The following TRAPPC9 variants were observed in gnomAD, a reference collection of about 807,000 sequenced individuals.
TRAPPC9 encodes the protein IKK2 binding protein.
TRAPPC9 carries 83 observed loss-of-function variants against 124.0 expected under a neutral mutation model. The observed-to-expected ratio is 0.67, with a 90% CI of 0.56 to 0.80. The LOEUF is 0.80. Among genes scored for constraint, TRAPPC9 ranks in the 30% least tolerant of loss-of-function variants. The probability of loss-of-function intolerance (pLI) is 0.00; values close to 1 mark genes in which losing one functional copy is unlikely to be tolerated. For missense variants in TRAPPC9, 1,302 were observed against 1,508.3 expected (o/e 0.86, Z 2.27); for synonymous variants, 638 against 617.5 (o/e 1.03, Z -0.49).
intron 18 of TRAPPC9, among the ~76,000 whole-genome samples, chr8:140,018,616 C>A (rs1173480805): frequency 6.6e-6 from 1 of 152,120 alleles, no homozygotes; most frequent in Non-Finnish European, 1.5e-5. Context: ...CGTGAGCCAC[C>A]GTGCCTGGCC....
intron 19 of TRAPPC9, among the ~76,000 whole-genome samples, chr8:139,959,915 A>G (rs1164447614): frequency 1.3e-5 from 2 of 152,180 alleles, no homozygotes; most frequent in Admixed American, 6.5e-5. Flanking sequence ...CAAAGCCTTA[A>G]GTTAGGTCAC....
chr8:140,136,385 C>T (rs530115048), intron 17 of TRAPPC9, among the ~76,000 whole-genome samples: 3 of 152,294 alleles, frequency 2.0e-5, no homozygotes, highest in South Asian at 4.1e-4. Context: ...ACAAACTCCC[C>T]GCTCAGAGCC....
chr8:140,399,902 G>A (rs1222869004), intron 6 of TRAPPC9, among the ~76,000 whole-genome samples: 1 of 152,210 alleles, frequency 6.6e-6, no homozygotes, highest in Admixed American at 6.5e-5. Context: ...ATTCCCACAT[G>A]TTGTGGGAGG....
At chr8:139,918,454 C>A (rs568504380) in intron 19 of TRAPPC9, among the ~76,000 whole-genome samples, 121 of 152,360 alleles carry the variant, frequency 7.9e-4, no homozygotes, top group South Asian at 3.5e-3. Context: ...CCTCAGGTCA[C>A]AGAGAGGTGC....
intron 17 of TRAPPC9, among the ~76,000 whole-genome samples, chr8:140,208,311 T>C (rs1180712251): frequency 2.0e-5 from 3 of 152,232 alleles, no homozygotes; most frequent in East Asian, 3.8e-4. Flanking sequence ...GTAAGGATGC[T>C]TGTGGTCCAG....
chr8:140,156,013 G>A (rs2061622824), intron 17 of TRAPPC9, among the ~76,000 whole-genome samples: 1 of 152,136 alleles, frequency 6.6e-6, no homozygotes, highest in Non-Finnish European at 1.5e-5. Flanking sequence ...GGGGGCCCGA[G>A]CTCCCTCCAG....
At chr8:139,919,427 T>A (rs913850618) in intron 19 of TRAPPC9, among the ~76,000 whole-genome samples, 1 of 152,182 alleles carries the variant, frequency 6.6e-6, no homozygotes, top group Admixed American at 6.5e-5. Flanking sequence ...ACGGTGATGG[T>A]TGCACAACTC....
chr8:140,042,719 C>T (rs1841349317), intron 17 of TRAPPC9, among the ~76,000 whole-genome samples: 1 of 152,250 alleles, frequency 6.6e-6, no homozygotes, highest in African/African-American at 2.4e-5. Context: ...CCACCTAACA[C>T]ATCTCTGCCT....
rs760873848 is a variant in TRAPPC9, at chr8:139,732,055, TGGTC to T, written c.3199_3202del (p.Asp1067ThrfsTer164). The T allele has an allele frequency of 2.5e-6, 4 of 1,604,724 alleles. No homozygotes were observed. Among genetic ancestry groups the T allele is most frequent in the Non-Finnish European group, 3.4e-6 (4 of 1,175,720 alleles). On this transcript the variant is annotated frameshift_variant, in exon 22 of 23. Coordinates refer to ENST00000438773, the MANE Select transcript of TRAPPC9 (RefSeq NM_001160372.4). LOFTEE classifies it high-confidence loss of function. The stretch of plus-strand genomic sequence containing the variant: ...GTCGTAGTTGTGCACGCCGTTCTGG[TGGTC>T]CTGGAAGGGGACCACAGTGAGGGCG...
intron 17 of TRAPPC9, among the ~76,000 whole-genome samples, chr8:140,036,144 G>A (rs905494061): frequency 6.6e-6 from 1 of 152,104 alleles, no homozygotes; most frequent in African/African-American, 2.4e-5. Flanking sequence ...GGCTCAGAGG[G>A]GACCCACGCC....
In TRAPPC9 at chr8:139,919,098, G is replaced by A. The variant is rs147159468; in HGVS notation, c.2811-8798C>T. Reference sequence around the variant, plus strand: ...CGCCCACCACTGCTCTCGACTCCCCGAGGCTTTGGCGCCCGGGCTAGTGTC... The same window carrying A: ...CGCCCACCACTGCTCTCGACTCCCCAAGGCTTTGGCGCCCGGGCTAGTGTC... On this transcript the variant is annotated intron_variant, in intron 19 of 22. Coordinates refer to ENST00000438773, the MANE Select transcript of TRAPPC9 (RefSeq NM_001160372.4). Among the ~76,000 whole-genome samples the A allele has an allele frequency of 1.3e-3, 201 of 152,320 alleles. 1 individual carries two copies. The highest frequency in any genetic ancestry group is 4.6e-3 in the African/African-American group (190 of 41,576).
intron 9 of TRAPPC9, among the ~76,000 whole-genome samples, chr8:140,329,012 A>G (rs1334143971): frequency 6.6e-6 from 1 of 152,148 alleles, no homozygotes; most frequent in Non-Finnish European, 1.5e-5. Context: ...AGTCTAAAGC[A>G]CCGGAGGGTG....
chr8:140,195,972 AC>A (rs1264782680), intron 17 of TRAPPC9, among the ~76,000 whole-genome samples: 1 of 147,852 alleles, frequency 6.8e-6, no homozygotes, highest in Admixed American at 6.7e-5. Flanking sequence ...TCAACTATCC[AC>A]CGTACAGATC....
At chr8:140,319,399 G>A (rs1363604301) in intron 9 of TRAPPC9, among the ~76,000 whole-genome samples, 1 of 151,796 alleles carries the variant, frequency 6.6e-6, no homozygotes, top group East Asian at 1.9e-4. Context: ...GGATGATCTC[G>A]ATCTCCTAAC....
intron 16 of TRAPPC9, among the ~76,000 whole-genome samples, chr8:140,225,055 A>T (rs1368434626): frequency 6.6e-6 from 1 of 152,260 alleles, no homozygotes; most frequent in Non-Finnish European, 1.5e-5. Context: ...GGTTATACAG[A>T]AGAATAAACG....
intron 19 of TRAPPC9, among the ~76,000 whole-genome samples, chr8:139,936,724 G>A (rs953938607): frequency 1.4e-5 from 2 of 141,162 alleles, no homozygotes; most frequent in African/African-American, 5.8e-5. Context: ...GGACTGCAGT[G>A]TGGTATAAAG....
intron 19 of TRAPPC9, among the ~76,000 whole-genome samples, chr8:139,963,780 A>G (rs1835510395): frequency 7.1e-6 from 1 of 141,314 alleles, no homozygotes; most frequent in Admixed American, 7.1e-5. Flanking sequence ...AAAAAAAACA[A>G]CTACAGACCA....
In TRAPPC9 at chr8:140,374,802, C is replaced by T. The variant is rs116151619; in HGVS notation, c.1135-3622G>A. The stretch of plus-strand genomic sequence containing the variant: ...GGTGACAGCCGGGGAAGGTCACATG[C>T]CTTGGCCACCAATGCGTTAGAACTC... On this transcript the variant is annotated intron_variant, in intron 7 of 22. Transcript: ENST00000438773. 1.5e-3 allele frequency among the ~76,000 whole-genome samples: 224 copies of T among 152,230 alleles called. 2 individuals are homozygous for T. The highest frequency in any genetic ancestry group is 5.3e-3 in the African/African-American group (220 of 41,552).
At chr8:140,366,137 T>C (rs959496990) in intron 8 of TRAPPC9, among the ~76,000 whole-genome samples, 3 of 152,226 alleles carry the variant, frequency 2.0e-5, no homozygotes, top group Non-Finnish European at 2.9e-5. Context: ...CCACAGTGTA[T>C]ATGTAGCACA....
Sources: allele counts gnomAD v4.1 joint callset (sites outside exome capture counted in the v4.1 genomes callset), GRCh38; gene constraint gnomAD v4.1.1; transcripts MANE v1.5; gene names NCBI Gene and HGNC (gene_info 2026-07-23, HGNC 2026-07-21).